The following LY96 variants were observed in gnomAD, a reference collection of about 807,000 sequenced individuals.
LY96 encodes myeloid differentiation protein-2.
Under a neutral mutation model 18.9 loss-of-function variants are expected in LY96, and 18 were observed. The observed-to-expected ratio is 0.95, with a 90% CI of 0.66 to 1.41. The LOEUF (loss-of-function observed/expected upper bound fraction) is 1.41, where lower values mean the gene tolerates loss of function less well. Ranked by LOEUF, LY96 falls within the 40% of genes most tolerant of loss-of-function variation. The pLI is 0.00. For synonymous variants in LY96, 66 were observed against 62.6 expected, an observed-to-expected ratio of 1.06 and a Z score of -0.26; for missense variants, 175 against 182.4, an observed-to-expected ratio of 0.96 and a Z score of 0.23.
chr8:73,993,380 A>G (rs1221107950), intron 1 of LY96, among the ~76,000 whole-genome samples: 1 of 152,004 alleles, frequency 6.6e-6, no homozygotes. Context: ...GGCTCAAGCC[A>G]TCCTCCCAGC....
chr8:74,098,021 C>T, the LY96 span, among the ~76,000 whole-genome samples: 1 of 152,300 alleles, frequency 6.6e-6, no homozygotes, highest in East Asian at 1.9e-4. Flanking sequence ...CCAGTCAGAC[C>T]TCTAAGGCTT....
intron 3 of LY96, among the ~76,000 whole-genome samples, chr8:74,018,182 G>C (rs1436519569): frequency 1.3e-5 from 2 of 151,598 alleles, no homozygotes; most frequent in African/African-American, 4.9e-5. Flanking sequence ...ACACACATAG[G>C]CTCAAAATAA....
intron 1 of LY96, among the ~76,000 whole-genome samples, chr8:73,994,977 C>T (rs574483523): frequency 7.2e-5 from 11 of 152,274 alleles, no homozygotes; most frequent in African/African-American, 2.4e-4. Context: ...CTTGCAAACT[C>T]ATGTTGAAAT....
At chr8:74,007,847 C>T (rs990956915) in intron 2 of LY96, among the ~76,000 whole-genome samples, 6 of 152,190 alleles carry the variant, frequency 3.9e-5, no homozygotes, top group Non-Finnish European at 8.8e-5. Context: ...GCAGCCTTTG[C>T]CTCCTGGGTT....
At chr8:74,081,077 T>TCTCTTTC in the LY96 span, among the ~76,000 whole-genome samples, 1 of 104,030 alleles carries the variant, frequency 9.6e-6, no homozygotes, top group African/African-American at 5.0e-5. Flanking sequence ...ACTTTCTTTC[T>TCTCTTTC]TCTCTTTCTC....
At chr8:74,048,821 G>GAGAAAGAA in the LY96 span, 7 of 149,748 alleles carry the variant, frequency 4.7e-5, no homozygotes, top group African/African-American at 1.5e-4. Context: ...AAGAGAGAGA[G>GAGAAAGAA]AGAAAGAAAG....
chr8:73,996,005 C>T (rs1246895170), intron 1 of LY96, among the ~76,000 whole-genome samples: 3 of 152,044 alleles, frequency 2.0e-5, no homozygotes, highest in African/African-American at 7.2e-5. Context: ...CATTTTAAAT[C>T]AGGATGGCCA....
the LY96 span, among the ~76,000 whole-genome samples, chr8:74,038,041 A>G: frequency 1.3e-5 from 2 of 152,200 alleles, no homozygotes; most frequent in Non-Finnish European, 2.9e-5. Flanking sequence ...TAGTAGGTAT[A>G]TATATTTATG....
At chr8:74,055,251 A>G in the LY96 span, among the ~76,000 whole-genome samples, 1 of 152,160 alleles carries the variant, frequency 6.6e-6, no homozygotes, top group African/African-American at 2.4e-5. Context: ...GGCTGGCTGA[A>G]TTTTTATGTC....
intron 3 of LY96, among the ~76,000 whole-genome samples, chr8:74,014,481 C>A (rs978000256): frequency 2.2e-5 from 3 of 135,776 alleles, no homozygotes; most frequent in Non-Finnish European, 4.6e-5. Flanking sequence ...AAAGAACAGG[C>A]AGGTTTTTTT....
At chr8:74,063,711 C>T in the LY96 span, among the ~76,000 whole-genome samples, 1 of 142,952 alleles carries the variant, frequency 7.0e-6, no homozygotes, top group African/African-American at 2.9e-5. Flanking sequence ...TCATAAAGAT[C>T]CTGTACATCT....
chr8:74,065,591 T>C, the LY96 span, among the ~76,000 whole-genome samples: 7,108 of 152,300 alleles, frequency 0.047, 418 homozygotes, highest in African/African-American at 0.13. Context: ...GTTCAAATTC[T>C]GGTGCTCCCC....
the LY96 span, among the ~76,000 whole-genome samples, chr8:74,036,700 A>G: frequency 6.6e-6 from 1 of 152,286 alleles, no homozygotes; most frequent in East Asian, 1.9e-4. Flanking sequence ...TTGAGTGGTA[A>G]CTCCAGTTCT....
chr8:74,070,736 T>A, the LY96 span, among the ~76,000 whole-genome samples: 10,127 of 147,844 alleles, frequency 0.068, 495 homozygotes, highest in African/African-American at 0.16. Flanking sequence ...CCTTGCTTTT[T>A]TAAAAAAAAA....
chr8:74,070,870 C>T, the LY96 span, among the ~76,000 whole-genome samples: 1 of 151,930 alleles, frequency 6.6e-6, no homozygotes, highest in Admixed American at 6.6e-5. Flanking sequence ...TTTTATATGG[C>T]ATGATTTTGT....
At chr8:74,081,458 C>A in the LY96 span, among the ~76,000 whole-genome samples, 1 of 151,338 alleles carries the variant, frequency 6.6e-6, no homozygotes, top group Non-Finnish European at 1.5e-5. Context: ...GAAGTTCTTC[C>A]TGTGTTGCCC....
the LY96 span, among the ~76,000 whole-genome samples, chr8:74,039,371 A>T: frequency 2.0e-5 from 3 of 151,908 alleles, no homozygotes; most frequent in African/African-American, 7.3e-5. Flanking sequence ...ACTTGATGTG[A>T]TCCTATGTAG....
chr8:74,037,528 A>G, the LY96 span, among the ~76,000 whole-genome samples: 2,026 of 152,248 alleles, frequency 0.013, 29 homozygotes, highest in East Asian at 0.039. Flanking sequence ...GCTACTCAGG[A>G]GGCTGAGGTG....
chr8:74,016,199 C>G (rs2131274167), intron 3 of LY96, among the ~76,000 whole-genome samples: 1 of 152,332 alleles, frequency 6.6e-6, no homozygotes, highest in Non-Finnish European at 1.5e-5. Flanking sequence ...AACAGCACAC[C>G]AGGAGATTAT....
Sources: allele counts gnomAD v4.1 joint callset (sites outside exome capture counted in the v4.1 genomes callset), GRCh38; gene constraint gnomAD v4.1.1; transcripts MANE v1.5; gene names NCBI Gene and HGNC (gene_info 2026-07-23, HGNC 2026-07-21).